The following ZAP70 variants were observed in gnomAD, a reference collection of about 807,000 sequenced individuals.
The protein encoded by ZAP70 is tyrosine-protein kinase ZAP-70.
A neutral mutation model predicts 65.8 loss-of-function variants in ZAP70; 27 were observed. The ratio of observed to expected loss-of-function variants is 0.41; its 90% CI spans 0.30 to 0.57. The LOEUF is 0.57. ZAP70 is among the 20% of genes least tolerant of loss of function. The probability of loss-of-function intolerance (pLI) is 0.28; values close to 1 mark genes in which losing one functional copy is unlikely to be tolerated. For missense variants in ZAP70, 696 were observed against 870.5 expected, an observed-to-expected ratio of 0.80 and a Z score of 2.52; for synonymous variants, 363 against 360.8, an observed-to-expected ratio of 1.01 and a Z score of -0.07.
chr2:97,746,430 G>T, the ZAP70 span, among the ~76,000 whole-genome samples: 1 of 152,136 alleles, frequency 6.6e-6, no homozygotes, highest in African/African-American at 2.4e-5. Context: ...ACAATGGAAG[G>T]TCTCTTGCTC....
chr2:97,716,461 G>A (rs892005610), intron 2 of ZAP70, among the ~76,000 whole-genome samples: 3 of 152,208 alleles, frequency 2.0e-5, no homozygotes, highest in African/African-American at 7.2e-5. Context: ...CATCTTTTAG[G>A]TGGTGAAGAA....
Position 97,724,220 on chromosome 2 carries a change from G to C in ZAP70, c.184G>C (p.Glu62Gln), listed in dbSNP as rs1439174498. The part of the protein sequence containing the change: ...HDVRFHHFPI[E>Q]RQLNGTYAIA... Reference sequence around the variant, plus strand: ...TGTGCGCTTCCACCACTTTCCCATCGAGCGCCAGCTCAACGGCACCTACGC... The same window carrying C: ...TGTGCGCTTCCACCACTTTCCCATCCAGCGCCAGCTCAACGGCACCTACGC... The change falls in exon 3 of 14, where the codon GAG becomes CAG. Residue 62 changes from glutamate to glutamine, a missense_variant. Glu to Gln is a conservative substitution (Grantham distance 29). Around this residue, in one of 3 missense-constraint regions of ZAP70, gnomAD observed 551 missense variants for 630.0 expected, o/e 0.87. Transcript: ENST00000264972. 7 of 1,601,114 alleles carry C rather than the reference G, an allele frequency of 4.4e-6. No individual in the cohort carries two copies.
At chr2:97,753,462 G>A in the ZAP70 span, among the ~76,000 whole-genome samples, 1 of 152,142 alleles carries the variant, frequency 6.6e-6, no homozygotes, top group African/African-American at 2.4e-5. Context: ...CTGTATAAAA[G>A]AGACCTTAAC....
chr2:97,724,995 T>G lies in ZAP70; in HGVS notation c.403-97T>G. 2.5e-6 allele frequency: 4 copies of G among 1,573,308 alleles called. No homozygotes were observed. The South Asian group carries it at 4.6e-5, about 18-fold the overall frequency. ...CTAACACGCGCTAGGGACGCCTGGG[T>G]GGGGTGGGGAGTCCTCTGGGACAGG... is the stretch of plus-strand genomic sequence containing the variant. On this transcript the variant is annotated intron_variant, in intron 3 of 13. Transcript: ENST00000264972.
chr2:97,721,812 G>GCACTGT (rs1203961187), intron 2 of ZAP70, among the ~76,000 whole-genome samples: 4 of 147,584 alleles, frequency 2.7e-5, no homozygotes, highest in African/African-American at 1.0e-4. Flanking sequence ...TTGCTGTCTC[G>GCACTGT]CACTGTCGCC....
In ZAP70 at chr2:97,731,009, C is replaced by T. The variant is rs887214072; in HGVS notation, c.564-1874C>T. 4.1e-5 allele frequency among the ~76,000 whole-genome samples: 6 copies of T among 147,462 alleles called. 1 individual carries two copies. Among genetic ancestry groups the T allele is most frequent in the African/African-American group, 1.5e-4 (6 of 39,630 alleles). On this transcript the variant is annotated intron_variant, in intron 4 of 13. Coordinates refer to ENST00000264972, the MANE Select transcript of ZAP70 (RefSeq NM_001079.4). The surrounding 1 kb of genome is among the most constrained non-coding windows in gnomAD (Gnocchi z 4.0). ...GGCAGAGCTTGCAGTGAGCCGAGAT[C>T]ACGCCACTGCACTCCAGCCCGGGCT...
At chr2:97,718,734 C>T (rs1349890758) in intron 2 of ZAP70, among the ~76,000 whole-genome samples, 2 of 152,194 alleles carry the variant, frequency 1.3e-5, no homozygotes, top group African/African-American at 2.4e-5. Context: ...CCTGCGGCCA[C>T]GTGGGGAGGA....
At chr2:97,753,666 C>T in the ZAP70 span, among the ~76,000 whole-genome samples, 98 of 152,122 alleles carry the variant, frequency 6.4e-4, 2 homozygotes, top group East Asian at 0.011. Context: ...TTTGTTTATA[C>T]GTATTTATAT....
At chr2:97,738,198 G>A (rs1336650968) in intron 13 of ZAP70, 91 bp downstream of exon 13, 8 of 1,281,402 alleles carry the variant, frequency 6.2e-6, no homozygotes, top group African/African-American at 1.5e-5. Context: ...TCTACCCAAT[G>A]TCATCTCACC....
rs949721057 is a variant in ZAP70 at position 97,715,377 on chromosome 2, T to A, written c.-22+1383T>A. ...CCCAGGACAGTCCCACCCTGTTCCA[T>A]TGTCTCTATCAGCCCCTATCCTCCT... On this transcript the variant is annotated intron_variant, in intron 2 of 13. Coordinates refer to ENST00000264972, the MANE Select transcript of ZAP70 (RefSeq NM_001079.4). This position sits in a 1 kb window ranked among gnomAD's most constrained non-coding sequence, Gnocchi z 4.1. Among the ~76,000 whole-genome samples the A allele has an allele frequency of 1.3e-5, 2 of 152,150 alleles. No homozygotes were observed. The highest frequency in any genetic ancestry group is 6.5e-5 in the Admixed American group (1 of 15,282).
intron 2 of ZAP70, among the ~76,000 whole-genome samples, chr2:97,718,754 A>G (rs56948188): frequency 0.027 from 4,133 of 152,136 alleles, 193 homozygotes; most frequent in East Asian, 0.15. Flanking sequence ...AGCTTCTCAA[A>G]CTGTGTTGGC....
chr2:97,722,269 A>G (rs548053011), intron 2 of ZAP70, among the ~76,000 whole-genome samples: 3 of 151,788 alleles, frequency 2.0e-5, no homozygotes, highest in Non-Finnish European at 2.9e-5. Context: ...TATGGTGGAG[A>G]CGGGGTTTCA....
At position 97,724,378 on chromosome 2, in the gene ZAP70, C is replaced by T. The variant is rs1008750552; in HGVS notation, c.342C>T (p.Val114=). 47 of 1,540,832 alleles carry T rather than the reference C, an allele frequency of 3.1e-5. No homozygotes were observed. The highest frequency in any genetic ancestry group is 4.1e-5 in the Non-Finnish European group (47 of 1,143,622). ...CGGGCCTCGAGCCGCAGCCGGGGGT[C>T]TTCGACTGCCTGCGAGACGCCATGG... ...RPSGLEPQPG[V]FDCLRDAMVR... The change falls in exon 3 of 14, where the codon GTC becomes GTT. Residue 114 remains valine (V), a synonymous_variant. Coordinates refer to ENST00000264972, the MANE Select transcript of ZAP70 (RefSeq NM_001079.4).
chr2:97,715,394 T>A lies in ZAP70; in HGVS notation c.-22+1400T>A, dbSNP rs985221238. 6.6e-6 allele frequency among the ~76,000 whole-genome samples: 1 copy of A among 152,192 alleles called. No homozygotes were observed. The highest frequency in any genetic ancestry group is 6.5e-5 in the Admixed American group (1 of 15,282). ...CTGTTCCATTGTCTCTATCAGCCCC[T>A]ATCCTCCTGACTCACACCGCCTTTT... is the stretch of plus-strand genomic sequence containing the variant. On this transcript the variant is annotated intron_variant, in intron 2 of 13. Coordinates refer to ENST00000264972, the MANE Select transcript of ZAP70 (RefSeq NM_001079.4). The surrounding 1 kb of genome is among the most constrained non-coding windows in gnomAD (Gnocchi z 4.1).
Position 97,735,524 on chromosome 2 carries a change from G to A in ZAP70, c.1289+68G>A, listed in dbSNP as rs1677837393. ...GGCCCATCCTGGGCATGGTGGACAT[G>A]CACCCGCGTGCATGCGTGTGTGGGA... is the stretch of plus-strand genomic sequence containing the variant. On this transcript the variant is annotated intron_variant, in intron 10 of 13. Coordinates refer to ENST00000264972, the MANE Select transcript of ZAP70 (RefSeq NM_001079.4). 2.6e-6 allele frequency: 4 copies of A among 1,534,910 alleles called. No homozygotes were observed. In the African/African-American group the frequency reaches 4.1e-5, roughly 16 times the overall value.
At chr2:97,738,289 G>T in intron 13 of ZAP70, 182 bp downstream of exon 13, 1 of 669,088 alleles carries the variant, frequency 1.5e-6, no homozygotes, top group Non-Finnish European at 2.6e-6. Flanking sequence ...AGGGTTTGCT[G>T]TCCTGCTCCA....
chr2:97,716,045 C>G (rs182565394), intron 2 of ZAP70, among the ~76,000 whole-genome samples: 77 of 152,220 alleles, frequency 5.1e-4, no homozygotes, highest in Middle Eastern at 6.8e-3. Flanking sequence ...AGGGGAGGTG[C>G]CTGACCCAGG....
At chr2:97,742,163 G>C (rs1033672780), downstream of ZAP70, among the ~76,000 whole-genome samples, 3 of 152,254 alleles carry the variant, frequency 2.0e-5, no homozygotes, top group African/African-American at 7.2e-5. Context: ...CAAGATGGGA[G>C]GTCAGTAACA....
downstream of ZAP70, among the ~76,000 whole-genome samples, chr2:97,744,802 A>G (rs1005343318): frequency 1.3e-5 from 2 of 152,200 alleles, no homozygotes; most frequent in East Asian, 1.9e-4. Context: ...AAAACAAACA[A>G]AAAGTCAGAC....
Sources: gnomAD v4.1 joint callset for allele counts (sites outside exome capture counted in the v4.1 genomes callset) on GRCh38, gnomAD v4.1.1 for gene constraint, gnomAD v4.1.1 regional missense constraint, Gnocchi (gnomAD v3.1) non-coding constraint, MANE v1.5 for transcripts, NCBI Gene and HGNC (gene_info 2026-07-23, HGNC 2026-07-21) for gene names.